REPS2: variants seen among roughly 807,000 people sequenced by gnomAD.
The protein encoded by REPS2 is RALBP1 associated Eps domain containing 2.
In REPS2, 23 loss-of-function variants were observed where a neutral mutation model predicts 53.6. The observed-to-expected ratio is 0.43, with a 90% CI of 0.31 to 0.61. The LOEUF (loss-of-function observed/expected upper bound fraction) is 0.61. Among genes scored for constraint, REPS2 ranks in the 20% least tolerant of loss-of-function variants. The pLI, the probability that REPS2 is intolerant of heterozygous loss-of-function variation, is 0.11. For synonymous variants in REPS2, 238 were observed against 218.6 expected, an observed-to-expected ratio of 1.09 and a Z score of -0.78; for missense variants, 446 against 534.9, an observed-to-expected ratio of 0.83 and a Z score of 1.64.
chrX:17,185,644 C>T, the REPS2 span, among the ~76,000 whole-genome samples: 1 of 111,892 alleles, frequency 8.9e-6, no homozygotes, highest in East Asian at 2.8e-4. Flanking sequence ...GGAATGCAAC[C>T]ACCAACTGAG....
At chrX:17,101,496 TTTC>T (rs1313132668) in intron 13 of REPS2, among the ~76,000 whole-genome samples, 1 of 112,035 alleles carries the variant, frequency 8.9e-6, no homozygotes, top group Admixed American at 9.5e-5. Context: ...TTTTACCCTA[TTTC>T]TTCTTCATAT....
intron 14 of REPS2, among the ~76,000 whole-genome samples, chrX:17,104,768 A>T (rs976330784): frequency 9.0e-6 from 1 of 110,988 alleles, no homozygotes; most frequent in Non-Finnish European, 1.9e-5. Context: ...ACCAGCGAGA[A>T]CTCCTTTCCA....
intron 9 of REPS2, among the ~76,000 whole-genome samples, chrX:17,068,138 C>T (rs2062250139): frequency 9.1e-6 from 1 of 110,106 alleles, no homozygotes; most frequent in Non-Finnish European, 1.9e-5. Flanking sequence ...ACAGTGAAAG[C>T]CCTTCTCTAC....
chrX:17,105,323 GC>G (rs2062859663), intron 14 of REPS2, among the ~76,000 whole-genome samples: 1 of 112,104 alleles, frequency 8.9e-6, no homozygotes, highest in Non-Finnish European at 1.9e-5. Flanking sequence ...AAATGAGCAG[GC>G]ATTTGCTAGC....
At chrX:17,126,277 G>A (rs963525260) in intron 14 of REPS2, among the ~76,000 whole-genome samples, 3 of 111,225 alleles carry the variant, frequency 2.7e-5, no homozygotes, top group Non-Finnish European at 5.7e-5. Context: ...AAGCCAAAGC[G>A]AGAGGGGAGG....
intron 2 of REPS2, among the ~76,000 whole-genome samples, 154 bp from the exon 3 acceptor site, chrX:17,021,969 T>C (rs983987501): frequency 9.8e-5 from 11 of 112,311 alleles, no homozygotes; most frequent in African/African-American, 3.6e-4. Context: ...CAGGACGTTA[T>C]TATAGGAGTA....
chrX:17,145,832 G>A lies in REPS2; in HGVS notation c.1915-1581G>A, dbSNP rs189046013. Among the ~76,000 whole-genome samples, 55 of 111,946 alleles carry A rather than the reference G, an allele frequency of 4.9e-4. 1 individual carries two copies. Among genetic ancestry groups the A allele is most frequent in the Admixed American group, 4.6e-3 (49 of 10,634 alleles). On this transcript the variant is annotated intron_variant, in intron 17 of 17. Coordinates refer to ENST00000357277, the MANE Select transcript of REPS2 (RefSeq NM_004726.3). ...GATTAGAAACACTCAATGCCAGGCC[G>A]GGTGCAGTGGCCCACGCCTGTAATC...
At chrX:17,024,987 A>T (rs1307046549) in intron 3 of REPS2, 72 bp from the exon 4 acceptor site, 2 of 1,199,106 alleles carry the variant, frequency 1.7e-6, no homozygotes, top group African/African-American at 3.5e-5. Flanking sequence ...GAGTTGCGTT[A>T]TGCTTCCTGA....
chrX:17,056,509 G>T (rs2147940712), intron 8 of REPS2, among the ~76,000 whole-genome samples: 1 of 111,401 alleles, frequency 9.0e-6, no homozygotes, highest in Non-Finnish European at 1.9e-5. Flanking sequence ...CTAACACGGT[G>T]AAACCCCATC....
At chrX:17,034,507 G>A (rs981031043) in intron 5 of REPS2, among the ~76,000 whole-genome samples, 3 of 111,147 alleles carry the variant, frequency 2.7e-5, no homozygotes, top group African/African-American at 9.8e-5. Context: ...TGTTGGTCAG[G>A]CTGGTCTTGA....
At chrX:16,951,310 C>G (rs529957979) in intron 1 of REPS2, among the ~76,000 whole-genome samples, 7 of 111,473 alleles carry the variant, frequency 6.3e-5, no homozygotes, top group African/African-American at 2.3e-4. Context: ...TGCTAGAATC[C>G]TGCTCTTAAA....
chrX:17,068,088 T>C (rs948018413), intron 9 of REPS2, among the ~76,000 whole-genome samples: 1 of 110,495 alleles, frequency 9.1e-6, no homozygotes, highest in Non-Finnish European at 1.9e-5. Context: ...CTGAGGCGGG[T>C]GGATCACGAG....
chrX:17,004,227 T>G (rs1331426082), intron 1 of REPS2, among the ~76,000 whole-genome samples: 1 of 111,132 alleles, frequency 9.0e-6, no homozygotes, highest in Non-Finnish European at 1.9e-5. Flanking sequence ...TGATTTGGAT[T>G]GTTTGAAGGA....
chrX:17,013,844 G>C (rs770451746), intron 2 of REPS2, among the ~76,000 whole-genome samples: 1 of 110,921 alleles, frequency 9.0e-6, no homozygotes, highest in South Asian at 3.9e-4. Context: ...GGGACACAGA[G>C]CTGCTTTGGA....
chrX:17,187,089 A>T, the REPS2 span, among the ~76,000 whole-genome samples: 2 of 112,153 alleles, frequency 1.8e-5, no homozygotes, highest in Non-Finnish European at 3.8e-5. Context: ...GAAATAAAAA[A>T]AATTAAAACA....
At chrX:17,103,820 G>A in intron 14 of REPS2, 41 bp downstream of exon 14, 1 of 1,145,422 alleles carries the variant, frequency 8.7e-7, no homozygotes, top group South Asian at 1.8e-5. Flanking sequence ...TTCGGTGGTA[G>A]GGAAGTTGTC....
At chrX:17,015,880 A>G (rs1291860271) in intron 2 of REPS2, among the ~76,000 whole-genome samples, 1 of 112,011 alleles carries the variant, frequency 8.9e-6, no homozygotes, top group Non-Finnish European at 1.9e-5. Context: ...ACACATGTGC[A>G]TGTGTCTTTA....
the REPS2 span, among the ~76,000 whole-genome samples, chrX:17,169,150 C>T: frequency 8.9e-6 from 1 of 112,361 alleles, no homozygotes; most frequent in African/African-American, 3.2e-5. Context: ...TGGGTGAGCA[C>T]AACTGGACCA....
chrX:17,174,008 G>A, the REPS2 span, among the ~76,000 whole-genome samples: 9 of 109,838 alleles, frequency 8.2e-5, no homozygotes, highest in African/African-American at 2.0e-4. Context: ...ACACTGAAAG[G>A]TCATATGTAC....
Sources: gnomAD v4.1 joint callset for allele counts (sites outside exome capture counted in the v4.1 genomes callset) on GRCh38, gnomAD v4.1.1 for gene constraint, MANE v1.5 for transcripts, NCBI Gene and HGNC (gene_info 2026-07-23, HGNC 2026-07-21) for gene names.